The following NECTIN3 variants were observed in gnomAD, a reference collection of about 807,000 sequenced individuals.
The protein encoded by NECTIN3 is nectin cell adhesion molecule 3.
A neutral mutation model predicts 49.4 loss-of-function variants in NECTIN3; 8 were observed. The ratio of observed to expected loss-of-function variants is 0.16; its 90% confidence interval spans 0.10 to 0.29. The LOEUF (loss-of-function observed/expected upper bound fraction) is 0.29, where lower values mean the gene tolerates loss of function less well. NECTIN3 is among the 10% of genes least tolerant of loss of function. The pLI is 1.00. For missense variants in NECTIN3, 581 were observed against 654.6 expected (o/e 0.89, Z 1.23); for synonymous variants, 277 against 241.1 (o/e 1.15, Z -1.38).
At chr3:111,172,444 T>C (rs1216506592) in intron 7 of NECTIN3, among the ~76,000 whole-genome samples, 3 of 152,222 alleles carry the variant, frequency 2.0e-5, no homozygotes, top group Non-Finnish European at 4.4e-5. Context: ...ATTTAAAGTG[T>C]CTAGAGTTGT....
At chr3:111,114,490 C>T (rs1478544223) in intron 2 of NECTIN3, among the ~76,000 whole-genome samples, 3 of 152,044 alleles carry the variant, frequency 2.0e-5, no homozygotes, top group African/African-American at 4.8e-5. Flanking sequence ...AGTAACTGTG[C>T]ATTTAAAAAT....
chr3:111,138,144 C>G (rs945312531), downstream of NECTIN3, among the ~76,000 whole-genome samples: 1 of 151,540 alleles, frequency 6.6e-6, no homozygotes, highest in Non-Finnish European at 1.5e-5. Context: ...TTACTTACTA[C>G]TTTTTGTGAG....
chr3:111,138,830 T>C (rs2034666604), downstream of NECTIN3, among the ~76,000 whole-genome samples: 1 of 151,654 alleles, frequency 6.6e-6, no homozygotes, highest in Admixed American at 6.6e-5. Context: ...GTGCATAATA[T>C]TGCTACATAG....
At chr3:111,140,644 T>TATGAGTG (rs2034719339), downstream of NECTIN3, among the ~76,000 whole-genome samples, 1 of 151,910 alleles carries the variant, frequency 6.6e-6, no homozygotes, top group South Asian at 2.1e-4. Flanking sequence ...CATACAATTC[T>TATGAGTG]TCCTTTACAT....
rs995131844 is a variant in NECTIN3 at position 111,136,879 on chromosome 3, G to A, written c.*2664G>A. On this transcript the variant is annotated 3_prime_UTR_variant, in exon 6 of 6. Transcript: ENST00000485303. ...AATACATTGAAACTAAAGTAGGCTC[G>A]GGGTTAACTTTAAAAGTGATATTTG... 27 of 965,850 alleles carry A rather than the reference G, an allele frequency of 2.8e-5. No individual in the cohort carries two copies. Among genetic ancestry groups the A allele is most frequent in the Non-Finnish European group, 2.7e-5 (22 of 812,628 alleles). The allele number at this position is 965,850 out of a possible 1,614,324, so 59.8% of individuals were successfully genotyped here.
chr3:111,137,621 G>C (rs865946824), downstream of NECTIN3: 3 of 384,730 alleles, frequency 7.8e-6, no homozygotes, highest in African/African-American at 7.2e-5. Context: ...TTACTAAAGT[G>C]TGTGTGTATG....
chr3:111,119,002 C>A, intron 3 of NECTIN3, 50 bp downstream of exon 3: 1 of 1,436,524 alleles, frequency 7.0e-7, no homozygotes, highest in Non-Finnish European at 9.4e-7. Flanking sequence ...GCATGTTTAT[C>A]AAACTATTTT....
chr3:111,127,695 C>T (rs1255183371), intron 5 of NECTIN3, among the ~76,000 whole-genome samples: 5 of 151,932 alleles, frequency 3.3e-5, no homozygotes, highest in African/African-American at 4.8e-5. Flanking sequence ...CCTTCAGTAG[C>T]TGAGACTACA....
In NECTIN3 at chr3:111,086,456, G is replaced by A. The variant is rs568762260; in HGVS notation, c.160+14279G>A. On this transcript the variant is annotated intron_variant, in intron 1 of 5. Coordinates refer to ENST00000485303, the MANE Select transcript of NECTIN3 (RefSeq NM_015480.3). The stretch of plus-strand genomic sequence containing the variant: ...TTTATTTTTGTGATTATATAAGATA[G>A]GGTTCATATTTTTTCCTCCATTTAC... Among the ~76,000 whole-genome samples the A allele has an allele frequency of 2.6e-5, 4 of 152,198 alleles. No individual in the cohort carries two copies. In the South Asian group the frequency reaches 6.2e-4, roughly 24 times the overall value.
chr3:111,093,762 TG>T (rs1337460903), intron 1 of NECTIN3, among the ~76,000 whole-genome samples: 5 of 152,020 alleles, frequency 3.3e-5, no homozygotes, highest in Non-Finnish European at 7.4e-5. Context: ...CCAAATGAAA[TG>T]AAAAAATGTT....
intron 7 of NECTIN3, among the ~76,000 whole-genome samples, chr3:111,153,873 C>A (rs73854917): frequency 5.9e-5 from 9 of 151,960 alleles, no homozygotes; most frequent in African/African-American, 2.2e-4. Context: ...TATGTGCTAG[C>A]ACTGAGAATA....
chr3:111,126,389 A>C (rs1258482887), intron 5 of NECTIN3, 54 bp downstream of exon 5: 12 of 1,417,650 alleles, frequency 8.5e-6, no homozygotes, highest in Non-Finnish European at 1.2e-5. Flanking sequence ...CTGAATAATC[A>C]TAGTAACAAT....
At chr3:111,130,191 C>T (rs974438887) in intron 5 of NECTIN3, among the ~76,000 whole-genome samples, 3 of 151,734 alleles carry the variant, frequency 2.0e-5, no homozygotes, top group Admixed American at 1.3e-4. Context: ...CTCCTGACCT[C>T]ATGATCCACC....
At chr3:111,138,613 G>T (rs1249520293), downstream of NECTIN3, among the ~76,000 whole-genome samples, 6 of 151,438 alleles carry the variant, frequency 4.0e-5, no homozygotes, top group African/African-American at 1.5e-4. Context: ...TGACAGTTAT[G>T]TTTATTTCAA....
chr3:111,156,364 A>C (rs141061994), intron 7 of NECTIN3, among the ~76,000 whole-genome samples: 73 of 151,176 alleles, frequency 4.8e-4, no homozygotes, highest in African/African-American at 1.7e-3. Flanking sequence ...ACATGTTAGA[A>C]TGAATTAATT....
intron 1 of NECTIN3, among the ~76,000 whole-genome samples, chr3:111,076,523 G>A (rs970299082): frequency 2.6e-5 from 4 of 152,002 alleles, no homozygotes; most frequent in African/African-American, 9.7e-5. Context: ...AAAAATCTGA[G>A]CACCATTAAT....
chr3:111,169,801 A>G (rs2035400318), intron 7 of NECTIN3, among the ~76,000 whole-genome samples: 1 of 152,226 alleles, frequency 6.6e-6, no homozygotes, highest in Non-Finnish European at 1.5e-5. Context: ...GAAGCATACC[A>G]ATCAGATGAA....
chr3:111,120,557 G>GT (rs757430406), intron 3 of NECTIN3, among the ~76,000 whole-genome samples: 131 of 150,406 alleles, frequency 8.7e-4, no homozygotes, highest in Middle Eastern at 3.5e-3. Flanking sequence ...GTTAATCTTT[G>GT]TTTTTTTTTA....
intron 7 of NECTIN3, among the ~76,000 whole-genome samples, chr3:111,158,313 G>C (rs1243482003): frequency 6.6e-6 from 1 of 152,040 alleles, no homozygotes; most frequent in Non-Finnish European, 1.5e-5. Flanking sequence ...AAAAGGAAAT[G>C]CTTAGCTTTA....
Sources: gnomAD v4.1 joint callset for allele counts (sites outside exome capture counted in the v4.1 genomes callset) on GRCh38, gnomAD v4.1.1 for gene constraint, MANE v1.5 for transcripts, NCBI Gene and HGNC (gene_info 2026-07-23, HGNC 2026-07-21) for gene names.